Variants in PCDH9 observed in about 807,000 individuals in gnomAD.
PCDH9 encodes protocadherin 9, also known as protocadherin-9.
In PCDH9, 24 loss-of-function variants were observed where a neutral mutation model predicts 70.6. That is an observed-to-expected ratio of 0.34 (90% CI 0.25 to 0.48). The LOEUF (loss-of-function observed/expected upper bound fraction) is 0.48. Ranked by LOEUF, PCDH9 falls within the 20% of genes least tolerant of loss-of-function variation. The pLI, the probability that PCDH9 is intolerant of heterozygous loss-of-function variation, is 0.99. For missense variants in PCDH9, 1,281 were observed against 1,503.6 expected (o/e 0.85, Z 2.45); for synonymous variants, 562 against 558.5 (o/e 1.01, Z -0.09).
chr13:67,173,162 AAAC>A (rs1417593145), intron 2 of PCDH9, among the ~76,000 whole-genome samples: 1 of 152,166 alleles, frequency 6.6e-6, no homozygotes, highest in Non-Finnish European at 1.5e-5. Context: ...TTATAGAAGT[AAAC>A]AACAACAAAA....
chr13:66,417,533 T>C (rs1242236528), intron 4 of PCDH9, among the ~76,000 whole-genome samples: 1 of 151,848 alleles, frequency 6.6e-6, no homozygotes, highest in East Asian at 1.9e-4. Context: ...AATCCTTTGA[T>C]ATATACCCAG....
chr13:66,734,792 T>C (rs904265394), intron 3 of PCDH9, among the ~76,000 whole-genome samples: 1 of 152,176 alleles, frequency 6.6e-6, no homozygotes. Flanking sequence ...TACACATTGT[T>C]ATATATATTT....
intron 4 of PCDH9, among the ~76,000 whole-genome samples, chr13:66,581,228 C>A (rs983918968): frequency 1.3e-5 from 2 of 152,068 alleles, no homozygotes; most frequent in East Asian, 1.9e-4. Flanking sequence ...CTTACTACAA[C>A]AAATTTTAAA....
intron 2 of PCDH9, among the ~76,000 whole-genome samples, chr13:67,193,257 T>A (rs1001933328): frequency 6.6e-6 from 1 of 151,926 alleles, no homozygotes; most frequent in Admixed American, 6.6e-5. Context: ...TGTCATAAGA[T>A]CTTCCCTTTC....
chr13:66,505,282 A>G (rs1164535129), intron 4 of PCDH9, among the ~76,000 whole-genome samples: 2 of 152,354 alleles, frequency 1.3e-5, no homozygotes, highest in East Asian at 3.9e-4. Context: ...AGTGACTCAC[A>G]GTTCCACATG....
intron 2 of PCDH9, among the ~76,000 whole-genome samples, chr13:67,037,288 G>C (rs1414656985): frequency 6.6e-6 from 1 of 152,086 alleles, no homozygotes; most frequent in African/African-American, 2.4e-5. Flanking sequence ...TATGTTACTC[G>C]CTCGACTTGC....
intron 2 of PCDH9, among the ~76,000 whole-genome samples, chr13:66,991,358 G>T (rs190698379): frequency 6.6e-6 from 1 of 151,954 alleles, no homozygotes; most frequent in African/African-American, 2.4e-5. Flanking sequence ...TGTATGTCAA[G>T]ATGAAGAATG....
intron 2 of PCDH9, among the ~76,000 whole-genome samples, chr13:67,055,858 A>C (rs1460461684): frequency 2.6e-5 from 4 of 152,122 alleles, no homozygotes; most frequent in Non-Finnish European, 5.9e-5. Flanking sequence ...TGCAATAATT[A>C]CAGAACACAG....
At chr13:66,537,373 T>C (rs1960750880) in intron 4 of PCDH9, among the ~76,000 whole-genome samples, 3 of 152,102 alleles carry the variant, frequency 2.0e-5, no homozygotes, top group Non-Finnish European at 4.4e-5. Flanking sequence ...ACATAATTGG[T>C]ATACATATTT....
At chr13:66,459,800 C>G (rs534848804) in intron 4 of PCDH9, among the ~76,000 whole-genome samples, 1 of 151,886 alleles carries the variant, frequency 6.6e-6, no homozygotes, top group African/African-American at 2.4e-5. Flanking sequence ...ATTCTAGATT[C>G]AATACAGTTA....
intron 3 of PCDH9, among the ~76,000 whole-genome samples, chr13:66,856,760 A>G (rs906082306): frequency 2.9e-4 from 44 of 152,088 alleles, no homozygotes; most frequent in African/African-American, 1.0e-3. Flanking sequence ...TAGCATTGAT[A>G]TTAATAATAT....
At chr13:67,082,726 G>C (rs895937137) in intron 2 of PCDH9, among the ~76,000 whole-genome samples, 1 of 151,992 alleles carries the variant, frequency 6.6e-6, no homozygotes, top group Non-Finnish European at 1.5e-5. Flanking sequence ...AAAAACATTT[G>C]AGAAAAAATT....
At chr13:66,506,249 T>C (rs1291290622) in intron 4 of PCDH9, among the ~76,000 whole-genome samples, 1 of 152,182 alleles carries the variant, frequency 6.6e-6, no homozygotes, top group Non-Finnish European at 1.5e-5. Context: ...TTGTCTTTTA[T>C]GGGCCTCTAA....
intron 3 of PCDH9, among the ~76,000 whole-genome samples, chr13:66,882,511 T>C (rs2081938345): frequency 6.6e-6 from 1 of 152,208 alleles, no homozygotes; most frequent in African/African-American, 2.4e-5. Context: ...CTTGTTCCTG[T>C]ACTCTAAATT....
intron 4 of PCDH9, among the ~76,000 whole-genome samples, chr13:66,405,228 C>G (rs1294548135): frequency 1.3e-5 from 2 of 152,174 alleles, no homozygotes; most frequent in East Asian, 3.8e-4. Context: ...CTGCTTATCA[C>G]TTCTTCATTT....
At chr13:66,923,565 G>T (rs531588837) in intron 2 of PCDH9, among the ~76,000 whole-genome samples, 1 of 151,620 alleles carries the variant, frequency 6.6e-6, no homozygotes, top group East Asian at 1.9e-4. Flanking sequence ...CATAGCTATA[G>T]GTAACTCAGA....
At chr13:66,982,795 C>A (rs2083802427) in intron 2 of PCDH9, among the ~76,000 whole-genome samples, 1 of 152,184 alleles carries the variant, frequency 6.6e-6, no homozygotes, top group Non-Finnish European at 1.5e-5. Context: ...TCGCTGGCAA[C>A]ATTTGTTTCT....
chr13:66,615,935 G>T (rs990575442), intron 4 of PCDH9, among the ~76,000 whole-genome samples: 6 of 152,142 alleles, frequency 3.9e-5, no homozygotes, highest in Non-Finnish European at 8.8e-5. Context: ...GTGCAATAAG[G>T]ATCCATTTTT....
chr13:67,154,637 CACACACACAT>C (rs766463608), intron 2 of PCDH9, among the ~76,000 whole-genome samples: 18 of 133,380 alleles, frequency 1.3e-4, no homozygotes, highest in African/African-American at 2.4e-4. Context: ...CACACACACA[CACACACACAT>C]ACAAGATACT....
Sources: allele counts gnomAD v4.1 joint callset (sites outside exome capture counted in the v4.1 genomes callset), GRCh38; gene constraint gnomAD v4.1.1; transcripts MANE v1.5; gene names NCBI Gene and HGNC (gene_info 2026-07-23, HGNC 2026-07-21).